MREG: variants seen among roughly 807,000 people sequenced by gnomAD.
The protein encoded by MREG is melanoregulin.
In MREG, 31 loss-of-function variants were observed where a neutral mutation model predicts 28.5. That is an observed-to-expected ratio of 1.09 (90% CI 0.82 to 1.47). The LOEUF is 1.47. Among genes scored for constraint, MREG ranks in the 40% most tolerant of loss-of-function variants. MREG has a pLI of 0.00. For synonymous variants in MREG, 106 were observed against 95.2 expected, an observed-to-expected ratio of 1.11 and a Z score of -0.66; for missense variants, 256 against 257.4, an observed-to-expected ratio of 0.99 and a Z score of 0.04.
chr2:216,018,362 T>A (rs1694475232), upstream of MREG, among the ~76,000 whole-genome samples: 1 of 152,118 alleles, frequency 6.6e-6, no homozygotes, highest in Non-Finnish European at 1.5e-5. Flanking sequence ...CTTTGCAATA[T>A]CCCCAACGCC....
chr2:215,954,448 A>ACAC lies in MREG; in HGVS notation c.256-7338_256-7336dup, dbSNP rs3078423. ...TTATTGTATTTGATCTGTGTACAAC[A>ACAC]CACACACACACACACACACACACAC... On this transcript the variant is annotated intron_variant, in intron 2 of 4. Transcript: ENST00000263268. Among the ~76,000 whole-genome samples the ACAC allele has an allele frequency of 5.2e-3, 747 of 143,256 alleles. 12 individuals carry two copies. In the South Asian group the frequency reaches 0.067, roughly 13 times the overall value. 94.0% of individuals were successfully genotyped at this position (143,256 alleles called of 152,430 possible).
intron 1 of MREG, among the ~76,000 whole-genome samples, chr2:216,026,920 C>G (rs1286222235): frequency 6.6e-6 from 1 of 152,206 alleles, no homozygotes; most frequent in Admixed American, 6.5e-5. Flanking sequence ...AGCATCCTAT[C>G]CATGTAGTAG....
At chr2:215,953,064 T>C (rs984399875) in intron 2 of MREG, among the ~76,000 whole-genome samples, 3 of 152,210 alleles carry the variant, frequency 2.0e-5, no homozygotes, top group African/African-American at 7.2e-5. Flanking sequence ...CCAACCATGA[T>C]TCATCCCTTA....
chr2:216,005,700 G>A (rs1301650363), intron 1 of MREG, among the ~76,000 whole-genome samples: 2 of 151,904 alleles, frequency 1.3e-5, no homozygotes, highest in African/African-American at 2.4e-5. Context: ...TGATGCACCT[G>A]CCTCGGCCTC....
chr2:215,972,018 C>T (rs2105990712), intron 2 of MREG, among the ~76,000 whole-genome samples: 1 of 152,268 alleles, frequency 6.6e-6, no homozygotes, highest in South Asian at 2.1e-4. Flanking sequence ...ATTGCCAGCT[C>T]ATGCCAGGGA....
chr2:215,958,761 G>C (rs1692701954), intron 2 of MREG, among the ~76,000 whole-genome samples: 1 of 152,158 alleles, frequency 6.6e-6, no homozygotes, highest in African/African-American at 2.4e-5. Context: ...CCTGATTTAG[G>C]GGAGTCTTAT....
rs1491145476 is a variant in MREG at position 215,949,069 on chromosome 2, C to CTAA, written c.256-1957_256-1956insTTA. On this transcript the variant is annotated intron_variant, in intron 2 of 4. Transcript: ENST00000263268. ...ACTACTACTACTACTACTACTACTACTACTACTACTACTACTACTAATAAT... is the reference window on the plus strand; with the variant it reads ...ACTACTACTACTACTACTACTACTACTAATACTACTACTACTACTACTAATAAT... 1.7e-3 allele frequency among the ~76,000 whole-genome samples: 219 copies of CTAA among 131,076 alleles called. 2 individuals carry two copies. In the East Asian group the frequency reaches 0.017, roughly 10 times the overall value. 86.0% of individuals were successfully genotyped at this position (131,076 alleles called of 152,430 possible).
intron 2 of MREG, among the ~76,000 whole-genome samples, chr2:215,949,723 A>C (rs920397040): frequency 4.6e-5 from 7 of 152,206 alleles, no homozygotes; most frequent in Non-Finnish European, 8.8e-5. Flanking sequence ...AAATTATTTC[A>C]TCTTTCTGGA....
In MREG at chr2:216,005,444, C is replaced by CTTTTTTTTTTTTTT. The variant is rs58288878; in HGVS notation, c.95+7775_95+7788dup. On this transcript the variant is annotated intron_variant, in intron 1 of 4. Coordinates refer to ENST00000263268, the MANE Select transcript of MREG (RefSeq NM_018000.3). The stretch of plus-strand genomic sequence containing the variant: ...CACGAGTATTCACTTTCTAGTTATT[C>CTTTTTTTTTTTTTT]TTTTTTTTTTTTTTTTTTTTTTTTT... 1.5e-4 allele frequency among the ~76,000 whole-genome samples: 13 copies of CTTTTTTTTTTTTTT among 86,326 alleles called. 1 individual carries two copies. The highest frequency in any genetic ancestry group is 2.7e-4 in the Non-Finnish European group (11 of 41,430). 56.6% of individuals were successfully genotyped at this position (86,326 alleles called of 152,430 possible).
chr2:216,014,324 T>C (rs1330738130), upstream of MREG, among the ~76,000 whole-genome samples: 1 of 152,174 alleles, frequency 6.6e-6, no homozygotes, highest in Non-Finnish European at 1.5e-5. Context: ...TGAACATTCT[T>C]GAACCAAAGT....
chr2:215,993,062 T>C (rs558178807), intron 2 of MREG, among the ~76,000 whole-genome samples: 3 of 152,276 alleles, frequency 2.0e-5, no homozygotes, highest in East Asian at 3.9e-4. Context: ...TAGAAAAAAC[T>C]ACTTTAAATT....
rs1692232484 is a variant in MREG at position 215,943,443 on chromosome 2, C to T, written c.*1420G>A. 3 of 456,564 alleles carry T rather than the reference C, an allele frequency of 6.6e-6. No individual in the cohort carries two copies. The highest frequency in any genetic ancestry group is 2.4e-5 in the Admixed American group (1 of 42,542). The allele number at this position is 456,564 out of a possible 1,614,324, so 28.3% of individuals were successfully genotyped here. A position where few individuals can be genotyped will look rare whatever the true frequency, so the allele number is the denominator to read the frequency against. On this transcript the variant is annotated 3_prime_UTR_variant, in exon 5 of 5. Coordinates refer to ENST00000263268, the MANE Select transcript of MREG (RefSeq NM_018000.3). ...TATGTGCAAGTCTGCATGAGAGGTC[C>T]CCCCACAGGTGCAGCTGCCAGCCAA...
intron 1 of MREG, among the ~76,000 whole-genome samples, chr2:216,007,828 A>C (rs1694201179): frequency 6.6e-6 from 1 of 151,904 alleles, no homozygotes; most frequent in South Asian, 2.1e-4. Context: ...GCTAACATAC[A>C]TGTTGGATAA....
At chr2:215,968,665 G>C (rs1055069735) in intron 2 of MREG, among the ~76,000 whole-genome samples, 1 of 152,124 alleles carries the variant, frequency 6.6e-6, no homozygotes, top group African/African-American at 2.4e-5. Flanking sequence ...AAACTTACTA[G>C]TCCTGGAGCC....
intron 2 of MREG, among the ~76,000 whole-genome samples, chr2:215,988,496 A>G (rs921423142): frequency 2.6e-5 from 4 of 152,200 alleles, no homozygotes; most frequent in Non-Finnish European, 4.4e-5. Flanking sequence ...GCTAGCTACA[A>G]GAGTTTTTTT....
intron 2 of MREG, among the ~76,000 whole-genome samples, chr2:215,975,243 T>C (rs1169943000): frequency 6.6e-6 from 1 of 152,050 alleles, no homozygotes; most frequent in Non-Finnish European, 1.5e-5. Flanking sequence ...TCACTATCTA[T>C]AAATCCTATC....
At chr2:215,939,866 A>G (rs1449153345), downstream of MREG, among the ~76,000 whole-genome samples, 1 of 151,942 alleles carries the variant, frequency 6.6e-6, no homozygotes, top group Non-Finnish European at 1.5e-5. Context: ...TTCACACTAC[A>G]TGTTTAAAAA....
At chr2:215,980,350 A>G (rs554268515) in intron 2 of MREG, among the ~76,000 whole-genome samples, 1 of 152,336 alleles carries the variant, frequency 6.6e-6, no homozygotes, top group Admixed American at 6.5e-5. Flanking sequence ...GAGTAAAACA[A>G]GGAGGCCTGG....
At chr2:215,950,932 T>C (rs1424294637) in intron 2 of MREG, among the ~76,000 whole-genome samples, 1 of 152,226 alleles carries the variant, frequency 6.6e-6, no homozygotes, top group African/African-American at 2.4e-5. Context: ...CACCTGGTGC[T>C]GTCTCGTGAT....
Sources: allele counts gnomAD v4.1 joint callset (sites outside exome capture counted in the v4.1 genomes callset), GRCh38; gene constraint gnomAD v4.1.1; transcripts MANE v1.5; gene names NCBI Gene and HGNC (gene_info 2026-07-23, HGNC 2026-07-21).